Variants in LCOR observed in about 807,000 individuals in gnomAD.
LCOR encodes the protein ligand dependent nuclear receptor corepressor, also known as ligand-dependent corepressor.
LCOR carries 14 observed loss-of-function variants against 64.4 expected under a neutral mutation model. That is an observed-to-expected ratio of 0.22 (90% CI 0.14 to 0.34). The LOEUF (loss-of-function observed/expected upper bound fraction) is 0.34. Ranked by LOEUF, LCOR falls within the 10% of genes least tolerant of loss-of-function variation. The pLI is 1.00. For missense variants in LCOR, 1,686 were observed against 1,765.3 expected (o/e 0.96, Z 0.80); for synonymous variants, 643 against 642.5 (o/e 1.00, Z -0.01).
Position 96,874,257 on chromosome 10 carries a change from C to G in LCOR, c.-329-33008C>G, listed in dbSNP as rs141652406. Among the ~76,000 whole-genome samples the G allele has an allele frequency of 8.6e-4, 131 of 152,298 alleles. 2 individuals carry two copies. The Middle Eastern group carries it at 0.031, about 36-fold the overall frequency. On this transcript the variant is annotated intron_variant, in intron 2 of 7. Transcript: ENST00000421806. ...TTTTTATCACTTCCACGTGCGCCAT[C>G]ATTAAAGATTCTTCTGATTCTTGCG...
At chr10:96,904,212 T>A (rs951726878) in intron 2 of LCOR, among the ~76,000 whole-genome samples, 1 of 152,188 alleles carries the variant, frequency 6.6e-6, no homozygotes, top group African/African-American at 2.4e-5. Flanking sequence ...TATGTATTTG[T>A]TGAACAATGT....
At chr10:96,942,455 AGAG>A (rs964171345) in intron 4 of LCOR, among the ~76,000 whole-genome samples, 19 of 78,504 alleles carry the variant, frequency 2.4e-4, no homozygotes, top group East Asian at 1.4e-3. Flanking sequence ...GGAGAGAGGG[AGAG>A]GAGGGAGAGG....
chr10:96,943,609 A>T (rs942655450), intron 4 of LCOR, among the ~76,000 whole-genome samples: 5 of 152,176 alleles, frequency 3.3e-5, no homozygotes, highest in African/African-American at 9.7e-5. Flanking sequence ...GTGAATTCAG[A>T]TGTATTCTGA....
chr10:96,981,752 C>T lies in LCOR; in HGVS notation c.1292C>T (p.Ala431Val), dbSNP rs1241859322. ...TGGTTAGGCCCCGGCCCTATGCCAG[C>T]TGTACACAAAGCGGCAAATGGACAC... is the stretch of plus-strand genomic sequence containing the variant. ...DGWLGPGPMPAVHKAANGHSR... is the reference protein window; with the variant it reads ...DGWLGPGPMPVVHKAANGHSR... The change falls in exon 8 of 8, where the codon GCT becomes GTT. Residue 431 changes from alanine (A) to valine (V), a missense_variant. This residue lies in a region of LCOR where 1,293 missense variants were observed against 1,410.4 expected (regional missense o/e 0.92). Transcript: ENST00000421806. 1.9e-6 allele frequency: 3 copies of T among 1,614,078 alleles called. No homozygotes were observed. In the South Asian group the frequency reaches 3.3e-5, roughly 18 times the overall value.
chr10:96,982,419 A>G lies in LCOR; in HGVS notation c.1959A>G (p.Pro653=). The change falls in exon 8 of 8, where the codon CCA becomes CCG. Residue 653 remains proline (P), a synonymous_variant. Transcript: ENST00000421806. ...CTTCTCCTGAACACAACCAACCACC[A>G]GTTGCACTGTTGGATACGGAGGAGA... is the stretch of plus-strand genomic sequence containing the variant. ...GMSSPEHNQP[P]VALLDTEEMS... 6.2e-7 allele frequency: 1 copy of G among 1,614,174 alleles called. No homozygotes were observed. Among genetic ancestry groups the G allele is most frequent in the Middle Eastern group, 1.6e-4 (1 of 6,062 alleles).
chr10:96,835,878 C>G (rs1845433330), intron 2 of LCOR, among the ~76,000 whole-genome samples: 1 of 152,056 alleles, frequency 6.6e-6, no homozygotes, highest in East Asian at 1.9e-4. Flanking sequence ...TGATTATGAT[C>G]AAGATGGATG....
chr10:96,894,097 T>G (rs1846495480), intron 2 of LCOR, among the ~76,000 whole-genome samples: 1 of 152,038 alleles, frequency 6.6e-6, no homozygotes, highest in African/African-American at 2.4e-5. Context: ...AGAATTTTAT[T>G]TATTTATTTT....
chr10:96,976,480 C>T (rs1848041133), intron 7 of LCOR, among the ~76,000 whole-genome samples: 1 of 152,182 alleles, frequency 6.6e-6, no homozygotes, highest in Non-Finnish European at 1.5e-5. Context: ...GAAATACATT[C>T]CTACCTACCT....
rs1213805594 is a variant in LCOR at position 96,993,302 on chromosome 10, A to G, written c.*8168A>G. On this transcript the variant is annotated 3_prime_UTR_variant, in exon 8 of 8. Coordinates refer to ENST00000421806, the MANE Select transcript of LCOR (RefSeq NM_001346516.2). ...GGCCTCCCTTTGTCTTTTCTAAACA[A>G]ATGAGGCAGACACTTGAACAGTAAT... is the stretch of plus-strand genomic sequence containing the variant. The G allele has an allele frequency of 2.0e-5, 3 of 152,200 alleles. No homozygotes were observed. Among genetic ancestry groups the G allele is most frequent in the Non-Finnish European group, 4.4e-5 (3 of 68,028 alleles). The allele number at this position is 152,200 out of a possible 1,614,324, so 9.4% of individuals were successfully genotyped here.
At chr10:96,877,420 A>T (rs968880204) in intron 2 of LCOR, among the ~76,000 whole-genome samples, 9 of 151,926 alleles carry the variant, frequency 5.9e-5, no homozygotes, top group Non-Finnish European at 1.2e-4. Flanking sequence ...AGTACTTGGG[A>T]GGCTGAGGTG....
intron 7 of LCOR, chr10:96,958,401 G>A (rs778546755): frequency 9.9e-6 from 15 of 1,508,190 alleles, no homozygotes; most frequent in East Asian, 2.5e-5. Flanking sequence ...TATTTTCTAT[G>A]TGTGTTTCAG....
chr10:96,881,561 A>G lies in LCOR; in HGVS notation c.-329-25704A>G, dbSNP rs1589628471. Among the ~76,000 whole-genome samples the G allele has an allele frequency of 4.0e-5, 6 of 151,864 alleles. No homozygotes were observed. In the East Asian group the frequency reaches 9.7e-4, roughly 24 times the overall value. ...AACCTCTGCCTCCTGGGTTCAAGCA[A>G]TTCTCCTCCCTCAACCTCCCAAGTA... On this transcript the variant is annotated intron_variant, in intron 2 of 7. Transcript: ENST00000421806.
intron 2 of LCOR, among the ~76,000 whole-genome samples, chr10:96,856,218 G>T (rs1845801771): frequency 6.6e-6 from 1 of 152,028 alleles, no homozygotes; most frequent in Admixed American, 6.6e-5. Context: ...TTACAGGCAT[G>T]CGCCACCACG....
chr10:96,857,176 CAAAG>C (rs1845820519), intron 2 of LCOR, among the ~76,000 whole-genome samples: 2 of 151,934 alleles, frequency 1.3e-5, no homozygotes, highest in African/African-American at 4.8e-5. Flanking sequence ...ACATTTTAGA[CAAAG>C]AAATAGTGTT....
chr10:96,868,899 T>G (rs1419984416), intron 2 of LCOR, among the ~76,000 whole-genome samples: 1 of 152,032 alleles, frequency 6.6e-6, no homozygotes, highest in Non-Finnish European at 1.5e-5. Context: ...ATGAATTAAT[T>G]GTTGGTTTTT....
At chr10:96,953,596 A>G (rs1847718339) in intron 7 of LCOR, among the ~76,000 whole-genome samples, 1 of 152,176 alleles carries the variant, frequency 6.6e-6, no homozygotes, top group Admixed American at 6.5e-5. Context: ...TTGTGTAATT[A>G]AGGACACCTG....
Position 96,995,862 on chromosome 10 carries a change from G to T in LCOR, c.*10728G>T, listed in dbSNP as rs1048545409. The T allele has an allele frequency of 2.4e-4, 37 of 152,220 alleles. No homozygotes were observed. The highest frequency in any genetic ancestry group is 8.7e-4 in the African/African-American group (36 of 41,452). The allele number at this position is 152,220 out of a possible 1,614,324, so 9.4% of individuals were successfully genotyped here. A position where few individuals can be genotyped will look rare whatever the true frequency, so the allele number is the denominator to read the frequency against. ...AGGATGCGGTGTGGAGCCAGAGGAT[G>T]TGTGGGAGGGGTTTCTCTAACACTG... On this transcript the variant is annotated 3_prime_UTR_variant, in exon 8 of 8. Transcript: ENST00000421806. This position sits in a 1 kb window ranked among gnomAD's most constrained non-coding sequence, Gnocchi z 4.2.
intron 7 of LCOR, among the ~76,000 whole-genome samples, chr10:96,967,421 C>T (rs1192770623): frequency 6.6e-6 from 1 of 152,128 alleles, no homozygotes; most frequent in Non-Finnish European, 1.5e-5. Flanking sequence ...TATGAGCCAC[C>T]GCACTTTGCC....
chr10:96,936,812 G>A (rs999383625), intron 4 of LCOR, among the ~76,000 whole-genome samples: 3 of 150,994 alleles, frequency 2.0e-5, no homozygotes, highest in African/African-American at 2.5e-5. Flanking sequence ...ACTACAGATC[G>A]TACCAAACTC....
Sources: allele counts gnomAD v4.1 joint callset (sites outside exome capture counted in the v4.1 genomes callset), GRCh38; gene constraint gnomAD v4.1.1; regional missense constraint gnomAD v4.1.1; non-coding constraint Gnocchi (gnomAD v3.1); transcripts MANE v1.5; gene names NCBI Gene and HGNC (gene_info 2026-07-23, HGNC 2026-07-21).